SCHIP1: variants seen among roughly 807,000 people sequenced by gnomAD.
SCHIP1 encodes the protein schwannomin-interacting protein 1.
In SCHIP1, 8 loss-of-function variants were observed where a neutral mutation model predicts 29.7. The ratio of observed to expected loss-of-function variants is 0.27; its 90% CI spans 0.16 to 0.49. The LOEUF (loss-of-function observed/expected upper bound fraction) is 0.49, where lower values mean the gene tolerates loss of function less well. Among genes scored for constraint, SCHIP1 ranks in the 20% least tolerant of loss-of-function variants. The pLI, the probability that SCHIP1 is intolerant of heterozygous loss-of-function variation, is 0.99. For synonymous variants in SCHIP1, 76 were observed against 94.9 expected, an observed-to-expected ratio of 0.80 and a Z score of 1.16; for missense variants, 193 against 294.6, an observed-to-expected ratio of 0.66 and a Z score of 2.52.
At chr3:159,553,266 A>T in the SCHIP1 span, among the ~76,000 whole-genome samples, 1 of 56,050 alleles carries the variant, frequency 1.8e-5, no homozygotes, top group Non-Finnish European at 2.9e-5. Context: ...GGAAAAGGTT[A>T]AAAAAAAAAA....
the SCHIP1 span, among the ~76,000 whole-genome samples, chr3:159,678,777 A>C: frequency 6.6e-6 from 1 of 152,208 alleles, no homozygotes; most frequent in Non-Finnish European, 1.5e-5. Flanking sequence ...GCCTCAGAAA[A>C]CTTACAATCG....
chr3:159,521,093 T>C, the SCHIP1 span, among the ~76,000 whole-genome samples: 1 of 152,220 alleles, frequency 6.6e-6, no homozygotes, highest in Non-Finnish European at 1.5e-5. Context: ...TTATTCCCAT[T>C]TACTATCCTG....
chr3:159,792,233 A>T, the SCHIP1 span, among the ~76,000 whole-genome samples: 1 of 152,190 alleles, frequency 6.6e-6, no homozygotes, highest in South Asian at 2.1e-4. Flanking sequence ...GTCAAGTGCC[A>T]GGCTGTGCCT....
chr3:159,454,598 G>C, the SCHIP1 span, among the ~76,000 whole-genome samples: 10 of 152,162 alleles, frequency 6.6e-5, 1 homozygote, highest in Middle Eastern at 6.3e-3. Context: ...CAAAGAAAAT[G>C]AACATGATTT....
At chr3:159,422,944 T>A in the SCHIP1 span, among the ~76,000 whole-genome samples, 25,637 of 130,286 alleles carry the variant, frequency 0.2, 2,475 homozygotes, top group South Asian at 0.4. Flanking sequence ...ACATGTAGGA[T>A]ATTCTATTAG....
chr3:159,562,151 T>C, the SCHIP1 span, among the ~76,000 whole-genome samples: 1 of 152,178 alleles, frequency 6.6e-6, no homozygotes, highest in Non-Finnish European at 1.5e-5. Context: ...CCCTAAATTC[T>C]CTCAATCCTT....
At chr3:159,795,796 G>C in the SCHIP1 span, among the ~76,000 whole-genome samples, 3 of 152,196 alleles carry the variant, frequency 2.0e-5, no homozygotes, top group Non-Finnish European at 4.4e-5. Flanking sequence ...AGACAAGGAA[G>C]AGCAGTTTGC....
the SCHIP1 span, among the ~76,000 whole-genome samples, chr3:159,602,665 C>A: frequency 7.3e-5 from 11 of 151,228 alleles, no homozygotes; most frequent in African/African-American, 2.4e-4. Flanking sequence ...GCCAAGATTG[C>A]ACCACTGCAC....
At chr3:159,637,942 G>T in the SCHIP1 span, among the ~76,000 whole-genome samples, 1 of 152,146 alleles carries the variant, frequency 6.6e-6, no homozygotes, top group African/African-American at 2.4e-5. Flanking sequence ...ATTTTTAGAA[G>T]AGTTACATGT....
At chr3:159,320,886 G>C in the SCHIP1 span, among the ~76,000 whole-genome samples, 1 of 151,566 alleles carries the variant, frequency 6.6e-6, no homozygotes, top group East Asian at 1.9e-4. Flanking sequence ...CATCTTCCTG[G>C]GGGGCTATGC....
the SCHIP1 span, among the ~76,000 whole-genome samples, chr3:159,626,110 A>ATATC: frequency 8.4e-6 from 1 of 119,014 alleles, no homozygotes; most frequent in African/African-American, 6.0e-5. Context: ...AGATAGATAG[A>ATATC]TAGATAGATA....
the SCHIP1 span, among the ~76,000 whole-genome samples, chr3:159,549,374 T>G: frequency 2.6e-5 from 4 of 152,146 alleles, no homozygotes; most frequent in African/African-American, 9.7e-5. Flanking sequence ...CCCACAAAAT[T>G]TATATGCTGA....
the SCHIP1 span, among the ~76,000 whole-genome samples, chr3:159,830,482 C>T: frequency 6.6e-6 from 1 of 152,012 alleles, no homozygotes; most frequent in East Asian, 1.9e-4. Flanking sequence ...AAATAATAAA[C>T]ATAAGCATAA....
the SCHIP1 span, among the ~76,000 whole-genome samples, chr3:159,442,742 T>C: frequency 6.6e-6 from 1 of 152,174 alleles, no homozygotes; most frequent in Non-Finnish European, 1.5e-5. Flanking sequence ...GCTAAGAGGC[T>C]ACTGCTTTGG....
intron 2 of SCHIP1, among the ~76,000 whole-genome samples, chr3:159,879,649 T>C (rs561869900): frequency 5.9e-5 from 9 of 152,346 alleles, no homozygotes; most frequent in African/African-American, 2.2e-4. Flanking sequence ...TGGTCTTTCA[T>C]TCATGCTAGA....
chr3:159,642,550 C>T, the SCHIP1 span, among the ~76,000 whole-genome samples: 1 of 152,074 alleles, frequency 6.6e-6, no homozygotes, highest in Admixed American at 6.6e-5. Context: ...ATTCCATGAA[C>T]AAACACTAGA....
At chr3:159,497,758 A>C in the SCHIP1 span, among the ~76,000 whole-genome samples, 4 of 152,076 alleles carry the variant, frequency 2.6e-5, no homozygotes, top group African/African-American at 9.7e-5. Context: ...TGTTTTACAC[A>C]TTTAAAATTG....
the SCHIP1 span, among the ~76,000 whole-genome samples, chr3:159,330,990 C>T: frequency 6.6e-6 from 1 of 152,194 alleles, no homozygotes; most frequent in Non-Finnish European, 1.5e-5. Flanking sequence ...GACATCTCTT[C>T]CAATACATAG....
the SCHIP1 span, among the ~76,000 whole-genome samples, chr3:159,616,523 G>T: frequency 6.6e-6 from 1 of 152,288 alleles, no homozygotes; most frequent in Admixed American, 6.5e-5. Flanking sequence ...CCATATGAGG[G>T]CTGGGGACAT....
Sources: gnomAD v4.1 joint callset for allele counts (sites outside exome capture counted in the v4.1 genomes callset) on GRCh38, gnomAD v4.1.1 for gene constraint, MANE v1.5 for transcripts, NCBI Gene and HGNC (gene_info 2026-07-23, HGNC 2026-07-21) for gene names.